The following ZNF337 variants were observed in gnomAD, a reference collection of about 807,000 sequenced individuals.
ZNF337 encodes the protein zinc finger protein 337.
In ZNF337, 8 loss-of-function variants were observed where a neutral mutation model predicts 12.1. The ratio of observed to expected loss-of-function variants is 0.66; its 90% CI spans 0.39 to 1.19. ZNF337 has a LOEUF of 1.19. Among genes scored for constraint, ZNF337 ranks in the 50% most tolerant of loss-of-function variants. ZNF337 has a pLI of 0.01. For missense variants in ZNF337, 882 were observed against 896.6 expected (o/e 0.98, Z 0.21); for synonymous variants, 336 against 320.0 (o/e 1.05, Z -0.53).
chr20:25,678,900 C>T (rs2065736893), intron 4 of ZNF337, among the ~76,000 whole-genome samples: 1 of 152,160 alleles, frequency 6.6e-6, no homozygotes, highest in African/African-American at 2.4e-5. Context: ...TGTGATGGCA[C>T]CACTGCACTC....
intron 4 of ZNF337, chr20:25,677,339 A>C (rs2065712604): frequency 3.5e-6 from 1 of 281,806 alleles, no homozygotes; most frequent in Admixed American, 4.7e-5. Flanking sequence ...AAATACTAGC[A>C]AAACCAATGC....
chr20:25,681,790 A>C (rs1213833233), intron 4 of ZNF337, among the ~76,000 whole-genome samples: 1 of 152,194 alleles, frequency 6.6e-6, no homozygotes, highest in African/African-American at 2.4e-5. Flanking sequence ...ATCTTATATA[A>C]ATCCTAAAAA....
At chr20:25,692,078 C>G (rs771907008) in intron 1 of ZNF337, among the ~76,000 whole-genome samples, 2 of 152,116 alleles carry the variant, frequency 1.3e-5, no homozygotes, top group Non-Finnish European at 2.9e-5. Flanking sequence ...CCTAAGCAAG[C>G]AAATGGGAAG....
At position 25,695,039 on chromosome 20, in the gene ZNF337, G is replaced by C. The variant is rs528077597; in HGVS notation, c.-50+1720C>G. On this transcript the variant is annotated intron_variant, in intron 1 of 4. Transcript: ENST00000252979. ...TAATCCCAGCACTTTGGGAGGTAGA[G>C]GTGGGTGGATCACCTGAGGTCAGGA... 1.5e-3 allele frequency among the ~76,000 whole-genome samples: 228 copies of C among 152,286 alleles called. 1 individual carries two copies. The highest frequency in any genetic ancestry group is 5.3e-3 in the African/African-American group (221 of 41,560).
In ZNF337 at chr20:25,696,775, G is replaced by A. The variant is rs2065937045; in HGVS notation, c.-66C>T. On this transcript the variant is annotated 5_prime_UTR_variant, in exon 1 of 5. Coordinates refer to ENST00000252979, the MANE Select transcript of ZNF337 (RefSeq NM_015655.4). ...GCAGCTCACCGGGGCGGCTGAGGGC[G>A]AACCGAGGCGGTGAGGTCACCGATG... 4.1e-6 allele frequency: 4 copies of A among 985,404 alleles called. No homozygotes were observed. Among genetic ancestry groups the A allele is most frequent in the Admixed American group, 1.2e-4 (2 of 16,274 alleles). The allele number at this position is 985,404 out of a possible 1,614,324, so 61.0% of individuals were successfully genotyped here.
At chr20:25,685,900 A>G in intron 3 of ZNF337, 96 bp downstream of exon 3, 2 of 1,510,890 alleles carry the variant, frequency 1.3e-6, no homozygotes, top group Non-Finnish European at 1.8e-6. Context: ...CCTCAGGGGA[A>G]TAGAGAAAAC....
chr20:25,693,415 G>T (rs2065897043), intron 1 of ZNF337, among the ~76,000 whole-genome samples: 1 of 152,232 alleles, frequency 6.6e-6, no homozygotes, highest in Non-Finnish European at 1.5e-5. Flanking sequence ...CCACTTCTTA[G>T]TCTGTGAAAT....
rs201799359 is a variant in ZNF337 at position 25,675,197 on chromosome 20, C to G, written c.2091G>C (p.Lys697Asn). 6.2e-7 allele frequency: 1 copy of G among 1,614,280 alleles called. No individual in the cohort carries two copies. The highest frequency in any genetic ancestry group is 8.5e-7 in the Non-Finnish European group (1 of 1,180,052). Reference protein sequence around the residue: ...CQECKRGYTSKSDLTVHERIH... With the variant: ...CQECKRGYTSNSDLTVHERIH... The stretch of plus-strand genomic sequence containing the variant: ...TTCTTTCATGCACAGTGAGGTCTGA[C>G]TTACTGGTATAGCCTCGCTTACACT... Residue 697 changes from lysine (K) to asparagine (N), a missense_variant, in exon 5 of 5, where the codon AAG (lysine) becomes AAC (asparagine). By Grantham distance (94) the Lys-to-Asn change is moderately conservative. Transcript: ENST00000252979.
At position 25,686,086 on chromosome 20, in the gene ZNF337, T is replaced by C. The variant is rs1388536243; in HGVS notation, c.64A>G (p.Thr22Ala). The C allele has an allele frequency of 6.2e-7, 1 of 1,613,926 alleles. No homozygotes were observed. Among genetic ancestry groups the C allele is most frequent in the Non-Finnish European group, 8.5e-7 (1 of 1,179,942 alleles). ...CTCAGCAGCCTCCATTCCTTCTGGGTGAAATCCACAGTGACATCCCCAAAT... is the reference window on the plus strand; with the variant it reads ...CTCAGCAGCCTCCATTCCTTCTGGGCGAAATCCACAGTGACATCCCCAAAT... ...LAFGDVTVDF[T>A]QKEWRLLSPA... The change falls in exon 3 of 5, where the codon ACC (threonine) becomes GCC (alanine). Residue 22 changes from threonine (T) to alanine (A), a missense_variant. Physicochemically the swap from Thr to Ala is moderately conservative, Grantham distance 58 (BLOSUM62 0). Coordinates refer to ENST00000252979, the MANE Select transcript of ZNF337 (RefSeq NM_015655.4).
At chr20:25,684,932 C>T (rs983115012) in intron 4 of ZNF337, among the ~76,000 whole-genome samples, 4 of 149,444 alleles carry the variant, frequency 2.7e-5, no homozygotes, top group African/African-American at 9.9e-5. Context: ...ACCATGAAAA[C>T]ACATGGACAC....
At chr20:25,688,044 G>A (rs948157333) in intron 1 of ZNF337, among the ~76,000 whole-genome samples, 1 of 152,092 alleles carries the variant, frequency 6.6e-6, no homozygotes, top group African/African-American at 2.4e-5. Flanking sequence ...TTCCTCTGAC[G>A]GCAGTTGAAA....
chr20:25,681,948 A>C (rs1370931793), intron 4 of ZNF337, among the ~76,000 whole-genome samples: 1 of 152,222 alleles, frequency 6.6e-6, no homozygotes. Context: ...TGGGTAAGTA[A>C]GCGATAAAGA....
In ZNF337 at chr20:25,675,382, C is replaced by T; in HGVS notation, c.1906G>A (p.Gly636Ser). Residue 636 changes from glycine (G) to serine (S), a missense_variant, in exon 5 of 5, where the codon GGC (glycine) becomes AGC (serine). Physicochemically the swap from Gly to Ser is moderately conservative, Grantham distance 56 (BLOSUM62 0). Transcript: ENST00000252979. ...QPFVCKECGRGFNWKGNLLTH... is the reference protein window; with the variant it reads ...QPFVCKECGRSFNWKGNLLTH... ...AGGAGATTTCCCTTCCAGTTGAAGCCTCGCCCACACTCCTTGCATACAAAA... is the reference window on the plus strand; with the variant it reads ...AGGAGATTTCCCTTCCAGTTGAAGCTTCGCCCACACTCCTTGCATACAAAA... The T allele has an allele frequency of 1.2e-6, 2 of 1,613,984 alleles. No individual in the cohort carries two copies. Among genetic ancestry groups the T allele is most frequent in the Non-Finnish European group, 1.7e-6 (2 of 1,179,992 alleles).
chr20:25,682,447 T>C (rs1367035991), intron 4 of ZNF337, among the ~76,000 whole-genome samples: 2 of 152,122 alleles, frequency 1.3e-5, no homozygotes, highest in African/African-American at 4.8e-5. Flanking sequence ...ATAGAAGATG[T>C]AAAAATCATC....
Position 25,673,383 on chromosome 20 carries a change from T to A in ZNF337, c.*1649A>T, listed in dbSNP as rs1361766617. 4.6e-5 allele frequency among the ~76,000 whole-genome samples: 7 copies of A among 152,224 alleles called. No homozygotes were observed. Among genetic ancestry groups the A allele is most frequent in the Admixed American group, 4.6e-4 (7 of 15,284 alleles). On this transcript the variant is annotated 3_prime_UTR_variant, in exon 5 of 5. Coordinates refer to ENST00000252979, the MANE Select transcript of ZNF337 (RefSeq NM_015655.4). Reference sequence around the variant, plus strand: ...GTGCTGGACAAGGGTTGTGTGCAGCTATGTAGGGCACATGCTCATTAAGCT... The same window carrying A: ...GTGCTGGACAAGGGTTGTGTGCAGCAATGTAGGGCACATGCTCATTAAGCT...
At chr20:25,692,678 G>A (rs2065891221) in intron 1 of ZNF337, among the ~76,000 whole-genome samples, 1 of 152,052 alleles carries the variant, frequency 6.6e-6, no homozygotes, top group Non-Finnish European at 1.5e-5. Context: ...AAACTGTTTG[G>A]TCTCACTCCT....
At position 25,676,261 on chromosome 20, in the gene ZNF337, A is replaced by G; in HGVS notation, c.1027T>C (p.Ser343Pro). The change falls in exon 5 of 5, where the codon TCA (serine) becomes CCA (proline). Residue 343 changes from serine to proline, a missense_variant. Physicochemically the swap from Ser to Pro is moderately conservative, Grantham distance 74 (BLOSUM62 -1). Transcript: ENST00000252979. ...SYFVVHKRIHSGEKPYRCQEC... is the reference protein window; with the variant it reads ...SYFVVHKRIHPGEKPYRCQEC... ...TGGCATCTGTAAGGCTTCTCTCCTGAGTGTATTCTCTTGTGCACAACGAAG... is the reference window on the plus strand; with the variant it reads ...TGGCATCTGTAAGGCTTCTCTCCTGGGTGTATTCTCTTGTGCACAACGAAG... 1 of 1,612,554 alleles carries G rather than the reference A, an allele frequency of 6.2e-7. No individual in the cohort carries two copies. Among genetic ancestry groups the G allele is most frequent in the Non-Finnish European group, 8.5e-7 (1 of 1,179,688 alleles).
In ZNF337 at chr20:25,676,662, G is replaced by A; in HGVS notation, c.626C>T (p.Thr209Ile). Reference protein sequence around the residue: ...KKAHSRQKLFTCRECHQGFRD... With the variant: ...KKAHSRQKLFICRECHQGFRD... ...AAAGCCCTGGTGACACTCCCTGCATGTAAAAAGTTTCTGCCTGGAATGTGC... is the reference window on the plus strand; with the variant it reads ...AAAGCCCTGGTGACACTCCCTGCATATAAAAAGTTTCTGCCTGGAATGTGC... Residue 209 changes from threonine to isoleucine, a missense_variant, in exon 5 of 5, where the codon ACA becomes ATA. Thr to Ile is a moderately conservative substitution (Grantham distance 89, BLOSUM62 -1). Transcript: ENST00000252979. The A allele has an allele frequency of 6.2e-7, 1 of 1,614,180 alleles. No homozygotes were observed. Among genetic ancestry groups the A allele is most frequent in the Non-Finnish European group, 8.5e-7 (1 of 1,180,032 alleles).
Position 25,696,746 on chromosome 20 carries a change from GAGCGC to G in ZNF337, c.-50+8_-50+12del. The G allele has an allele frequency of 2.0e-6, 2 of 985,512 alleles. No individual in the cohort carries two copies. The highest frequency in any genetic ancestry group is 2.4e-6 in the Non-Finnish European group (2 of 829,962). The allele number at this position is 985,512 out of a possible 1,614,324, so 61.0% of individuals were successfully genotyped here. On this transcript the variant is annotated splice_region_variant and intron_variant, in intron 1 of 4. Transcript: ENST00000252979. Reference sequence around the variant, plus strand: ...GCGCGCTGCAGAGAGGGACCCGCAGGAGCGCAGCTCACCGGGGCGGCTGAGGGCGA... The same window carrying G: ...GCGCGCTGCAGAGAGGGACCCGCAGGAGCTCACCGGGGCGGCTGAGGGCGA...
Sources: allele counts gnomAD v4.1 joint callset (sites outside exome capture counted in the v4.1 genomes callset), GRCh38; gene constraint gnomAD v4.1.1; transcripts MANE v1.5; gene names NCBI Gene and HGNC (gene_info 2026-07-23, HGNC 2026-07-21).